Variants in HERC1 observed in about 807,000 individuals in gnomAD.
HERC1 encodes HECT and RLD domain containing E3 ubiquitin protein ligase family member 1.
Under a neutral mutation model 554.3 loss-of-function variants are expected in HERC1, and 160 were observed. The ratio of observed to expected loss-of-function variants is 0.29; its 90% CI spans 0.25 to 0.33. HERC1 has a LOEUF of 0.33. Ranked by LOEUF, HERC1 falls within the 10% of genes least tolerant of loss-of-function variation. The probability of loss-of-function intolerance (pLI) is 1.00; values close to 1 mark genes in which losing one functional copy is unlikely to be tolerated. For synonymous variants in HERC1, 2,175 were observed against 2,131.7 expected (o/e 1.02, Z -0.56); for missense variants, 4,919 against 5,918.5 (o/e 0.83, Z 5.54).
At position 63,628,798 on chromosome 15, in the gene HERC1, G is replaced by A; in HGVS notation, c.12984C>T (p.Thr4328=). 6.2e-7 allele frequency: 1 copy of A among 1,613,770 alleles called. No homozygotes were observed. The highest frequency in any genetic ancestry group is 8.5e-7 in the Non-Finnish European group (1 of 1,179,814). The change falls in exon 70 of 78, where the codon ACC becomes ACT. Residue 4328 remains threonine, a synonymous_variant. Transcript: ENST00000443617. Reference sequence around the variant, plus strand: ...CCAGGGTTGGTTCTCGAACATGGTTGGTATGGCCTAAGCCGAGCTGGGAAT... The same window carrying A: ...CCAGGGTTGGTTCTCGAACATGGTTAGTATGGCCTAAGCCGAGCTGGGAAT... ...NSEGQLGLGH[T]NHVREPTLVT...
intron 50 of HERC1, 123 bp from the exon 51 acceptor site, chr15:63,654,447 A>T: frequency 2.9e-6 from 2 of 679,112 alleles, no homozygotes; most frequent in Admixed American, 3.0e-5. Context: ...GGGTTAACCC[A>T]TATCTTTTAA....
In HERC1 at chr15:63,612,555, A is replaced by C; in HGVS notation, c.14096T>G (p.Val4699Gly). The C allele has an allele frequency of 6.2e-7, 1 of 1,612,174 alleles. No individual in the cohort carries two copies. Among genetic ancestry groups the C allele is most frequent in the Non-Finnish European group, 8.5e-7 (1 of 1,178,648 alleles). The change falls in exon 77 of 78, where the codon GTG (valine) becomes GGG (glycine). Residue 4699 changes from valine (V) to glycine (G), a missense_variant and splice_region_variant. Transcript: ENST00000443617. This position sits in a 1 kb window ranked among gnomAD's most constrained non-coding sequence, Gnocchi z 5.0. ...GGACATCCCTTCTCGGACTGCAGCC[A>C]CCTGCTCCCGGGAGAGGTTGCTCAT... ...EYRLHEMDRQ[V>G]AAVREGMSWI...
intron 1 of HERC1, among the ~76,000 whole-genome samples, chr15:63,810,961 T>C (rs2077287514): frequency 6.6e-6 from 1 of 152,148 alleles, no homozygotes; most frequent in Non-Finnish European, 1.5e-5. Flanking sequence ...AAGAGGCAAA[T>C]TCACATTGTA....
At chr15:63,829,772 T>C (rs1476832925) in intron 1 of HERC1, among the ~76,000 whole-genome samples, 2 of 151,252 alleles carry the variant, frequency 1.3e-5, no homozygotes, top group Non-Finnish European at 2.9e-5. Flanking sequence ...AAGATGAGCA[T>C]GGAACAGCCT....
At chr15:63,717,733 G>A (rs956508127) in intron 21 of HERC1, among the ~76,000 whole-genome samples, 17 of 152,094 alleles carry the variant, frequency 1.1e-4, no homozygotes, top group African/African-American at 3.6e-4. Flanking sequence ...TTAGCAGGGC[G>A]TGGTGGTGCA....
At chr15:63,804,751 A>G (rs1427270822) in intron 1 of HERC1, among the ~76,000 whole-genome samples, 1 of 152,226 alleles carries the variant, frequency 6.6e-6, no homozygotes, top group Non-Finnish European at 1.5e-5. Flanking sequence ...TTACAACTCA[A>G]TAAGAAAACT....
chr15:63,628,218 C>A (rs898997105), intron 70 of HERC1, among the ~76,000 whole-genome samples: 3 of 152,100 alleles, frequency 2.0e-5, no homozygotes, highest in Non-Finnish European at 4.4e-5. Flanking sequence ...TGGCGAAACC[C>A]CGTTTCTACT....
chr15:63,756,286 T>G lies in HERC1; in HGVS notation c.1533+151A>C. 1 of 618,968 alleles carries G rather than the reference T, an allele frequency of 1.6e-6. No individual in the cohort carries two copies. Among genetic ancestry groups the G allele is most frequent in the Middle Eastern group, 4.0e-4 (1 of 2,516 alleles). The allele number at this position is 618,968 out of a possible 1,614,324, so 38.3% of individuals were successfully genotyped here. ...TAAAATTCAATAATGTATACAAAGGTGTTCTGTAAACTGTAAAGCAGAGAT... is the reference window on the plus strand; with the variant it reads ...TAAAATTCAATAATGTATACAAAGGGGTTCTGTAAACTGTAAAGCAGAGAT... On this transcript the variant is annotated intron_variant, in intron 5 of 77. Transcript: ENST00000443617. The surrounding 1 kb of genome is among the most constrained non-coding windows in gnomAD (Gnocchi z 5.0).
At chr15:63,708,249 C>T (rs1018372568) in intron 24 of HERC1, among the ~76,000 whole-genome samples, 3 of 152,070 alleles carry the variant, frequency 2.0e-5, no homozygotes, top group African/African-American at 7.2e-5. Context: ...GGCCTCAGAA[C>T]CAGAAAAATC....
chr15:63,639,223 G>A (rs1009070727), intron 61 of HERC1, among the ~76,000 whole-genome samples: 1 of 152,178 alleles, frequency 6.6e-6, no homozygotes, highest in African/African-American at 2.4e-5. Context: ...TGACATTTCA[G>A]TCAACAACAA....
intron 1 of HERC1, among the ~76,000 whole-genome samples, chr15:63,796,593 G>C (rs1301407388): frequency 1.3e-5 from 2 of 152,162 alleles, no homozygotes; most frequent in Non-Finnish European, 2.9e-5. Flanking sequence ...AGACTCAGGA[G>C]GTCCTGATGA....
At chr15:63,787,408 C>T (rs888786391) in intron 1 of HERC1, among the ~76,000 whole-genome samples, 1 of 152,100 alleles carries the variant, frequency 6.6e-6, no homozygotes, top group Non-Finnish European at 1.5e-5. Flanking sequence ...CCACCTGCCT[C>T]AGCCTCCCAA....
intron 34 of HERC1, 43 bp downstream of exon 34, chr15:63,686,316 A>C: frequency 7.0e-7 from 1 of 1,438,456 alleles, no homozygotes; most frequent in Non-Finnish European, 9.4e-7. Flanking sequence ...AAAAAAAAGG[A>C]CTAAAAGACA....
rs1180180942 is a variant in HERC1, at chr15:63,718,520, C to G, written c.3978+54G>C. On this transcript the variant is annotated intron_variant, in intron 21 of 77. Coordinates refer to ENST00000443617, the MANE Select transcript of HERC1 (RefSeq NM_003922.4). This position sits in a 1 kb window ranked among gnomAD's most constrained non-coding sequence, Gnocchi z 4.2. ...TTTTCTCACATAAACCAATTTAGAG[C>G]TAGCTCTCACAGCTTGCAGAAAAAC... 1.3e-6 allele frequency: 2 copies of G among 1,500,922 alleles called. No individual in the cohort carries two copies. The highest frequency in any genetic ancestry group is 2.8e-5 in the African/African-American group (2 of 71,518). The allele number at this position is 1,500,922 out of a possible 1,614,324, so 93.0% of individuals were successfully genotyped here.
At chr15:63,624,078 C>G (rs1450374929) in intron 72 of HERC1, 80 bp downstream of exon 72, 2 of 1,400,190 alleles carry the variant, frequency 1.4e-6, no homozygotes, top group Non-Finnish European at 2.0e-6. Context: ...AGTGAGGAAA[C>G]CAAGACTCAC....
intron 1 of HERC1, among the ~76,000 whole-genome samples, chr15:63,793,741 G>T (rs936067322): frequency 2.0e-5 from 3 of 151,918 alleles, no homozygotes; most frequent in African/African-American, 4.8e-5. Flanking sequence ...GTCTGGATAG[G>T]GACCCCTTTC....
At chr15:63,725,212 T>G in intron 18 of HERC1, 80 bp downstream of exon 18, 1 of 1,261,350 alleles carries the variant, frequency 7.9e-7, no homozygotes, top group South Asian at 1.4e-5. Context: ...CAGTTCTCTA[T>G]TTAGCAAATC....
intron 60 of HERC1, 145 bp from the exon 61 acceptor site, chr15:63,640,590 T>A (rs1331362091): frequency 1.4e-6 from 1 of 717,842 alleles, no homozygotes. Flanking sequence ...AGATTTAGAG[T>A]GAGTTGTACA....
intron 1 of HERC1, among the ~76,000 whole-genome samples, chr15:63,787,662 G>C (rs2143854171): frequency 6.6e-6 from 1 of 152,142 alleles, no homozygotes; most frequent in South Asian, 2.1e-4. Context: ...CTACTTGGGA[G>C]GCTAAGGCAG....
Sources: allele counts gnomAD v4.1 joint callset (sites outside exome capture counted in the v4.1 genomes callset), GRCh38; gene constraint gnomAD v4.1.1; non-coding constraint Gnocchi (gnomAD v3.1); transcripts MANE v1.5; gene names NCBI Gene and HGNC (gene_info 2026-07-23, HGNC 2026-07-21).